The following ROBO1 variants were observed in gnomAD, a reference collection of about 807,000 sequenced individuals.
ROBO1 encodes roundabout guidance receptor 1.
ROBO1 carries 149 observed loss-of-function variants against 195.9 expected under a neutral mutation model. The ratio of observed to expected loss-of-function variants is 0.76; its 90% CI spans 0.67 to 0.87. The LOEUF is 0.87. Among genes scored for constraint, ROBO1 ranks in the 40% least tolerant of loss-of-function variants. ROBO1 has a pLI of 0.00. For missense variants in ROBO1, 1,933 were observed against 2,068.3 expected, an observed-to-expected ratio of 0.93 and a Z score of 1.27; for synonymous variants, 816 against 733.2, an observed-to-expected ratio of 1.11 and a Z score of -1.82.
chr3:79,301,978 C>G (rs965418764), intron 2 of ROBO1, among the ~76,000 whole-genome samples: 1 of 152,100 alleles, frequency 6.6e-6, no homozygotes, highest in South Asian at 2.1e-4. Flanking sequence ...ACTCACCCAC[C>G]AGCTACAATA....
intron 2 of ROBO1, among the ~76,000 whole-genome samples, chr3:79,247,227 T>A (rs2082641390): frequency 6.6e-6 from 1 of 150,520 alleles, no homozygotes; most frequent in South Asian, 2.1e-4. Flanking sequence ...TTTCTTCGTT[T>A]CTCTCTATGA....
chr3:78,795,588 G>A (rs1365875669), intron 4 of ROBO1, among the ~76,000 whole-genome samples: 1 of 152,174 alleles, frequency 6.6e-6, no homozygotes, highest in African/African-American at 2.4e-5. Flanking sequence ...GAGGCACAAC[G>A]GTAAACATGA....
chr3:79,283,513 C>A (rs571170196), intron 2 of ROBO1, among the ~76,000 whole-genome samples: 3 of 152,238 alleles, frequency 2.0e-5, no homozygotes, highest in African/African-American at 7.2e-5. Flanking sequence ...TAGTTTCAGG[C>A]TTGATCTAAT....
intron 14 of ROBO1, among the ~76,000 whole-genome samples, chr3:78,662,928 C>T (rs1707515391): frequency 6.6e-6 from 1 of 151,882 alleles, no homozygotes; most frequent in African/African-American, 2.4e-5. Context: ...AAAACATTTG[C>T]CCATTTCTGA....
At chr3:79,764,634 T>G (rs1388630065) in intron 1 of ROBO1, among the ~76,000 whole-genome samples, 1 of 152,222 alleles carries the variant, frequency 6.6e-6, no homozygotes, top group Non-Finnish European at 1.5e-5. Context: ...CATTAAATCT[T>G]GCTTAAATAA....
intron 3 of ROBO1, among the ~76,000 whole-genome samples, chr3:78,970,663 A>G (rs1183931810): frequency 6.6e-6 from 1 of 152,192 alleles, no homozygotes; most frequent in Non-Finnish European, 1.5e-5. Context: ...ATAATTAACT[A>G]TTAAAATGAC....
intron 4 of ROBO1, among the ~76,000 whole-genome samples, chr3:78,779,169 G>A (rs538616129): frequency 3.8e-4 from 58 of 152,146 alleles, no homozygotes; most frequent in African/African-American, 1.4e-3. Flanking sequence ...GAAAATGCAG[G>A]CAATACCATT....
intron 1 of ROBO1, among the ~76,000 whole-genome samples, chr3:79,654,443 T>C (rs1316747079): frequency 6.6e-6 from 1 of 151,926 alleles, no homozygotes; most frequent in Non-Finnish European, 1.5e-5. Flanking sequence ...AAATTGAATA[T>C]CAGAAAAAAT....
At chr3:79,465,355 C>G (rs1937903958) in intron 2 of ROBO1, among the ~76,000 whole-genome samples, 2 of 152,098 alleles carry the variant, frequency 1.3e-5, no homozygotes, top group Non-Finnish European at 2.9e-5. Context: ...TCATTTATCT[C>G]TTCCAATTTA....
intron 3 of ROBO1, among the ~76,000 whole-genome samples, chr3:79,011,702 TTATA>T (rs1256520655): frequency 5.3e-5 from 8 of 149,592 alleles, no homozygotes; most frequent in African/African-American, 2.0e-4. Flanking sequence ...TCATAATATA[TTATA>T]TATATGTTTT....
Position 79,302,191 on chromosome 3 carries a change from T to C in ROBO1, c.89-176652A>G, listed in dbSNP as rs2032993355. ...GTAATCTAATCAACCTCTGCTCTCT[T>C]TCGCATGCACGACTCTGCTTTCTTA... On this transcript the variant is annotated intron_variant, in intron 2 of 30. Transcript: ENST00000464233. Among the ~76,000 whole-genome samples, 3 of 152,254 alleles carry C rather than the reference T, an allele frequency of 2.0e-5. No homozygotes were observed. The South Asian group carries it at 6.2e-4, about 32-fold the overall frequency.
chr3:78,769,618 G>GTTTTT (rs34157314), intron 4 of ROBO1, among the ~76,000 whole-genome samples: 3 of 84,000 alleles, frequency 3.6e-5, no homozygotes, highest in Non-Finnish European at 4.4e-5. Flanking sequence ...GTGTACTTTG[G>GTTTTT]TTTTTTTTTT....
intron 2 of ROBO1, among the ~76,000 whole-genome samples, chr3:79,235,886 G>A (rs2082398503): frequency 6.6e-6 from 1 of 151,890 alleles, no homozygotes; most frequent in Admixed American, 6.6e-5. Flanking sequence ...TAAGCTATAG[G>A]TATGGTATAC....
chr3:78,702,787 T>G (rs112153502), intron 8 of ROBO1, among the ~76,000 whole-genome samples: 1 of 152,176 alleles, frequency 6.6e-6, no homozygotes, highest in Non-Finnish European at 1.5e-5. Flanking sequence ...CCCACTGTTA[T>G]GTAGACGAAT....
chr3:79,473,322 A>G (rs1331652314), intron 2 of ROBO1, among the ~76,000 whole-genome samples: 1 of 152,098 alleles, frequency 6.6e-6, no homozygotes, highest in Non-Finnish European at 1.5e-5. Flanking sequence ...GCCACTGGAA[A>G]CTAGGAGAGA....
intron 4 of ROBO1, among the ~76,000 whole-genome samples, chr3:78,923,262 G>A (rs2039042451): frequency 6.6e-6 from 1 of 152,108 alleles, no homozygotes; most frequent in African/African-American, 2.4e-5. Flanking sequence ...TAGATCAGCA[G>A]TTATTAGGAG....
In ROBO1 at chr3:78,971,794, C is replaced by T. The variant is rs565871269; in HGVS notation, c.173-32867G>A. Among the ~76,000 whole-genome samples, 3 of 152,136 alleles carry T rather than the reference C, an allele frequency of 2.0e-5. No individual in the cohort carries two copies. The South Asian group carries it at 6.2e-4, about 32-fold the overall frequency. On this transcript the variant is annotated intron_variant, in intron 3 of 30. Coordinates refer to ENST00000464233, the MANE Select transcript of ROBO1 (RefSeq NM_002941.4). ...GTTTGTTTGTTTGTTTTGACAGAGT[C>T]TTGCACTGTCACCCAAGTTGGAGTG...
At position 79,022,661 on chromosome 3, in the gene ROBO1, C is replaced by T. The variant is rs1017405927; in HGVS notation, c.173-83734G>A. The stretch of plus-strand genomic sequence containing the variant: ...GACTCATCAGTTTGGGTGGGAGACA[C>T]AGCACCAGGAAGGAGAAAGTGTGGT... On this transcript the variant is annotated intron_variant, in intron 3 of 30. Transcript: ENST00000464233. Among the ~76,000 whole-genome samples the T allele has an allele frequency of 6.6e-5, 10 of 152,306 alleles. No homozygotes were observed. In the East Asian group the frequency reaches 1.9e-3, roughly 29 times the overall value.
At chr3:79,525,434 T>C (rs1941387910) in intron 2 of ROBO1, among the ~76,000 whole-genome samples, 1 of 149,448 alleles carries the variant, frequency 6.7e-6, no homozygotes. Flanking sequence ...ATGATATTAA[T>C]CTCTTATGTA....
Sources: allele counts gnomAD v4.1 joint callset (sites outside exome capture counted in the v4.1 genomes callset), GRCh38; gene constraint gnomAD v4.1.1; transcripts MANE v1.5; gene names NCBI Gene and HGNC (gene_info 2026-07-23, HGNC 2026-07-21).